The following DIAPH2 variants were observed in gnomAD, a reference collection of about 807,000 sequenced individuals.
DIAPH2 encodes protein diaphanous homolog 2.
In DIAPH2, 35 loss-of-function variants were observed where a neutral mutation model predicts 92.7. The observed-to-expected ratio is 0.38, with a 90% CI of 0.29 to 0.50. The LOEUF is 0.50. DIAPH2 is among the 20% of genes least tolerant of loss of function. DIAPH2 has a pLI of 0.94. For synonymous variants in DIAPH2, 301 were observed against 280.4 expected (o/e 1.07, Z -0.73); for missense variants, 701 against 819.5 (o/e 0.86, Z 1.77).
intron 25 of DIAPH2, among the ~76,000 whole-genome samples, chrX:97,389,240 G>T (rs972568235): frequency 9.1e-6 from 1 of 109,485 alleles, no homozygotes; most frequent in Admixed American, 9.7e-5. Context: ...TGGCCTAGGC[G>T]GGTGGATCAT....
intron 17 of DIAPH2, among the ~76,000 whole-genome samples, chrX:97,017,559 A>G (rs1390036629): frequency 8.9e-6 from 1 of 111,973 alleles, no homozygotes; most frequent in Non-Finnish European, 1.9e-5. Context: ...CTTTCATGAG[A>G]TGATATAGAT....
At chrX:96,713,127 G>T (rs2063929041) in intron 1 of DIAPH2, among the ~76,000 whole-genome samples, 1 of 111,470 alleles carries the variant, frequency 9.0e-6, no homozygotes, top group African/African-American at 3.3e-5. Flanking sequence ...GCATGTAAAA[G>T]AGATGATAAA....
At chrX:97,333,774 G>A (rs371108587) in intron 23 of DIAPH2, among the ~76,000 whole-genome samples, 9 of 109,791 alleles carry the variant, frequency 8.2e-5, no homozygotes, top group East Asian at 2.9e-4. Flanking sequence ...CATGTTGGCC[G>A]GGCTGGTCTC....
chrX:97,025,378 G>A (rs138481752), intron 17 of DIAPH2, among the ~76,000 whole-genome samples: 1,577 of 105,448 alleles, frequency 0.015, 33 homozygotes, highest in African/African-American at 0.051. Flanking sequence ...ACAGCCGGGC[G>A]TGGTGGCTCA....
intron 26 of DIAPH2, among the ~76,000 whole-genome samples, chrX:97,579,133 C>G (rs1431592835): frequency 9.1e-6 from 1 of 110,066 alleles, no homozygotes; most frequent in Non-Finnish European, 1.9e-5. Flanking sequence ...CCTGTTCACT[C>G]TGATGGTAGT....
intron 15 of DIAPH2, among the ~76,000 whole-genome samples, chrX:96,955,732 G>T (rs2147815603): frequency 8.9e-6 from 1 of 112,528 alleles, no homozygotes; most frequent in South Asian, 3.7e-4. Context: ...AAACCTCAGA[G>T]TTCCGAAATG....
intron 4 of DIAPH2, among the ~76,000 whole-genome samples, chrX:96,768,234 GTAATGACCAGACCTTA>G (rs1442217027): frequency 8.9e-6 from 1 of 112,082 alleles, no homozygotes; most frequent in Admixed American, 9.5e-5. Context: ...AGCAAACATT[GTAATGACCAGACCTTA>G]TAATTTTAAA....
At position 97,126,199 on chromosome X, in the gene DIAPH2, C is replaced by T. The variant is rs186990677; in HGVS notation, c.2589+11234C>T. On this transcript the variant is annotated intron_variant, in intron 21 of 26. Coordinates refer to ENST00000324765, the MANE Select transcript of DIAPH2 (RefSeq NM_006729.5). ...TTTTTTATTCTATAAAAGCTCTGTTCGAAGGAGATTTTGACCCTGTATGAG... is the reference window on the plus strand; with the variant it reads ...TTTTTTATTCTATAAAAGCTCTGTTTGAAGGAGATTTTGACCCTGTATGAG... Among the ~76,000 whole-genome samples, 110 of 111,406 alleles carry T rather than the reference C, an allele frequency of 9.9e-4. 1 individual carries two copies. The highest frequency in any genetic ancestry group is 3.3e-3 in the African/African-American group (102 of 30,686).
At chrX:96,946,829 C>T (rs2065740791) in intron 14 of DIAPH2, among the ~76,000 whole-genome samples, 1 of 111,235 alleles carries the variant, frequency 9.0e-6, no homozygotes, top group African/African-American at 3.3e-5. Context: ...AAAAAGGAGT[C>T]CTAAAGTAAT....
intron 26 of DIAPH2, among the ~76,000 whole-genome samples, chrX:97,537,504 T>C (rs1182610705): frequency 8.9e-6 from 1 of 111,988 alleles, no homozygotes; most frequent in Non-Finnish European, 1.9e-5. Flanking sequence ...CTAAGATAGT[T>C]CCGAATGATT....
intron 5 of DIAPH2, among the ~76,000 whole-genome samples, chrX:96,888,027 ATT>A (rs1419592039): frequency 9.3e-6 from 1 of 107,498 alleles, no homozygotes; most frequent in African/African-American, 3.4e-5. Flanking sequence ...TGATGCGTAG[ATT>A]TACGTTTTCA....
intron 26 of DIAPH2, among the ~76,000 whole-genome samples, chrX:97,482,737 C>T (rs1283953649): frequency 9.0e-6 from 1 of 111,524 alleles, no homozygotes; most frequent in Non-Finnish European, 1.9e-5. Flanking sequence ...TCATTCATTG[C>T]CATTCATATT....
At chrX:96,922,040 A>G (rs760666816) in intron 9 of DIAPH2, among the ~76,000 whole-genome samples, 68 of 111,349 alleles carry the variant, frequency 6.1e-4, no homozygotes, top group African/African-American at 2.2e-3. Flanking sequence ...AAAATACTTT[A>G]ATATGTTATC....
intron 26 of DIAPH2, among the ~76,000 whole-genome samples, chrX:97,546,299 C>G (rs2071180875): frequency 1.8e-5 from 2 of 111,637 alleles, no homozygotes; most frequent in Admixed American, 9.5e-5. Context: ...ATATATAGCT[C>G]TTAATTTTCA....
chrX:97,098,343 G>A (rs1371558407), intron 19 of DIAPH2, among the ~76,000 whole-genome samples: 7 of 111,375 alleles, frequency 6.3e-5, no homozygotes, highest in African/African-American at 1.6e-4. Context: ...AACCTATTAA[G>A]CAATAACTCC....
chrX:97,086,862 A>G (rs1000767060), intron 19 of DIAPH2, among the ~76,000 whole-genome samples: 1 of 111,381 alleles, frequency 9.0e-6, no homozygotes, highest in Admixed American at 9.6e-5. Flanking sequence ...TTTAAAGCCC[A>G]TTGTTTGACC....
At chrX:96,962,734 G>A (rs1458112603) in intron 16 of DIAPH2, among the ~76,000 whole-genome samples, 1 of 108,431 alleles carries the variant, frequency 9.2e-6, no homozygotes, top group Non-Finnish European at 1.9e-5. Context: ...TTCTAAGTGG[G>A]CAATTTAATT....
chrX:97,507,972 C>T (rs889593339), intron 26 of DIAPH2, among the ~76,000 whole-genome samples: 9 of 110,886 alleles, frequency 8.1e-5, no homozygotes, highest in South Asian at 3.9e-4. Context: ...AAGAAGATTA[C>T]GTGACTCATT....
chrX:97,367,322 A>C (rs889527072), intron 24 of DIAPH2, among the ~76,000 whole-genome samples: 4 of 111,974 alleles, frequency 3.6e-5, no homozygotes, highest in African/African-American at 1.3e-4. Flanking sequence ...TATAATCACA[A>C]GTGAGATGTT....
Sources: allele counts gnomAD v4.1 joint callset (sites outside exome capture counted in the v4.1 genomes callset), GRCh38; gene constraint gnomAD v4.1.1; transcripts MANE v1.5; gene names NCBI Gene and HGNC (gene_info 2026-07-23, HGNC 2026-07-21).